The following WDPCP variants were observed in gnomAD, a reference collection of about 807,000 sequenced individuals.
The protein encoded by WDPCP is WD repeat-containing and planar cell polarity effector protein fritz homolog.
Under a neutral mutation model 93.1 loss-of-function variants are expected in WDPCP, and 71 were observed. The ratio of observed to expected loss-of-function variants is 0.76; its 90% CI spans 0.63 to 0.93. The LOEUF (loss-of-function observed/expected upper bound fraction) is 0.93. Among genes scored for constraint, WDPCP ranks in the 40% least tolerant of loss-of-function variants. The pLI is 0.00. For missense variants in WDPCP, 844 were observed against 887.4 expected (o/e 0.95, Z 0.62); for synonymous variants, 315 against 315.0 (o/e 1.00, Z 0.00).
intron 2 of WDPCP, among the ~76,000 whole-genome samples, chr2:63,656,715 A>G (rs1337621750): frequency 3.3e-5 from 5 of 152,256 alleles, no homozygotes; most frequent in African/African-American, 1.2e-4. Flanking sequence ...AGAGCAATAA[A>G]TGAAACAAGA....
intron 10 of WDPCP, among the ~76,000 whole-genome samples, chr2:63,399,831 G>C (rs547366934): frequency 6.6e-6 from 1 of 151,948 alleles, no homozygotes; most frequent in African/African-American, 2.4e-5. Context: ...TTAACATTAT[G>C]AATAGATTTA....
At chr2:63,174,514 C>G (rs1445574473) in intron 15 of WDPCP, among the ~76,000 whole-genome samples, 156 bp downstream of exon 15, 1 of 152,172 alleles carries the variant, frequency 6.6e-6, no homozygotes, top group Non-Finnish European at 1.5e-5. Context: ...ATTATGCCTG[C>G]TCCAAATAAC....
chr2:63,250,874 T>C (rs910486412), intron 14 of WDPCP, among the ~76,000 whole-genome samples: 4 of 152,200 alleles, frequency 2.6e-5, no homozygotes, highest in Non-Finnish European at 4.4e-5. Context: ...ACTATATCCA[T>C]AGAAAACTGA....
intron 12 of WDPCP, among the ~76,000 whole-genome samples, chr2:63,352,410 C>T (rs942864092): frequency 6.6e-6 from 1 of 152,192 alleles, no homozygotes; most frequent in Admixed American, 6.5e-5. Flanking sequence ...CCAACAAATT[C>T]ATGAGATTAC....
intron 6 of WDPCP, among the ~76,000 whole-genome samples, chr2:63,461,630 G>T (rs370432488): frequency 1.3e-5 from 2 of 152,278 alleles, no homozygotes; most frequent in East Asian, 3.9e-4. Context: ...GTGCAGTAAG[G>T]GATGAAATTT....
intron 3 of WDPCP, among the ~76,000 whole-genome samples, chr2:63,624,004 CA>C (rs1363185857): frequency 6.6e-6 from 1 of 152,168 alleles, no homozygotes; most frequent in African/African-American, 2.4e-5. Context: ...ATAGTGCAAT[CA>C]AATTAGAACT....
At chr2:63,737,268 A>T (rs1669652167) in intron 2 of WDPCP, among the ~76,000 whole-genome samples, 1 of 152,172 alleles carries the variant, frequency 6.6e-6, no homozygotes, top group Non-Finnish European at 1.5e-5. Flanking sequence ...AGGGCATCAA[A>T]GATATTGATA....
At chr2:63,223,129 C>T (rs965408869) in intron 14 of WDPCP, among the ~76,000 whole-genome samples, 2 of 151,974 alleles carry the variant, frequency 1.3e-5, no homozygotes, top group African/African-American at 4.8e-5. Flanking sequence ...TGTAGGATGT[C>T]TTACATTTTA....
intron 12 of WDPCP, among the ~76,000 whole-genome samples, chr2:63,340,334 C>T (rs1275338130): frequency 1.3e-5 from 2 of 152,126 alleles, no homozygotes; most frequent in African/African-American, 2.4e-5. Context: ...GTCCAAGGGA[C>T]CTGTGAAACA....
At position 63,389,484 on chromosome 2, in the gene WDPCP, G is replaced by C. The variant is rs1039569276; in HGVS notation, c.1436-7390C>G. 5.9e-5 allele frequency among the ~76,000 whole-genome samples: 9 copies of C among 152,228 alleles called. No individual in the cohort carries two copies. The East Asian group carries it at 1.5e-3, about 26-fold the overall frequency. ...AGACCATCCATGCTATGAAGAAACT[G>C]CATCCATTAACAGGCAAAATAACCA... On this transcript the variant is annotated intron_variant, in intron 10 of 17. Transcript: ENST00000272321.
At chr2:63,352,916 A>C (rs886893688) in intron 12 of WDPCP, among the ~76,000 whole-genome samples, 2 of 152,196 alleles carry the variant, frequency 1.3e-5, no homozygotes, top group Non-Finnish European at 2.9e-5. Context: ...TATGCTAATA[A>C]AAAAACTAGT....
chr2:63,142,815 GGGGT>G (rs1263770710), intron 17 of WDPCP, among the ~76,000 whole-genome samples: 2 of 98,300 alleles, frequency 2.0e-5, no homozygotes, highest in African/African-American at 7.5e-5. Context: ...TGCAGTGTTA[GGGGT>G]GTGTGTGTGT....
chr2:63,329,400 A>G (rs556488794), intron 12 of WDPCP, among the ~76,000 whole-genome samples: 17 of 151,896 alleles, frequency 1.1e-4, no homozygotes, highest in African/African-American at 4.1e-4. Context: ...TACATACCGC[A>G]CTTTTTTTTT....
intron 6 of WDPCP, among the ~76,000 whole-genome samples, chr2:63,469,934 C>A (rs1297395266): frequency 6.6e-6 from 1 of 152,212 alleles, no homozygotes; most frequent in African/African-American, 2.4e-5. Flanking sequence ...CATGAATGAC[C>A]TGCATGCTCC....
chr2:63,823,703 T>C (rs1353386680), intron 1 of WDPCP, among the ~76,000 whole-genome samples: 1 of 152,094 alleles, frequency 6.6e-6, no homozygotes, highest in Non-Finnish European at 1.5e-5. Flanking sequence ...TCCCCCTAAA[T>C]ACACCAGTAA....
chr2:63,420,395 A>G (rs1695763492), intron 9 of WDPCP, among the ~76,000 whole-genome samples: 1 of 149,036 alleles, frequency 6.7e-6, no homozygotes. Context: ...TTAGCCGGCT[A>G]TGGTGGCACA....
chr2:63,266,761 A>T (rs1682159116), intron 13 of WDPCP, among the ~76,000 whole-genome samples: 1 of 151,936 alleles, frequency 6.6e-6, no homozygotes, highest in Admixed American at 6.6e-5. Context: ...AGTCAAGATC[A>T]CTCCACTGCA....
At chr2:63,707,302 A>G (rs1669174633) in intron 2 of WDPCP, among the ~76,000 whole-genome samples, 1 of 152,038 alleles carries the variant, frequency 6.6e-6, no homozygotes. Flanking sequence ...ATAGTCCCAT[A>G]TTTCTTGGAG....
chr2:63,177,421 A>C (rs1484110591), intron 14 of WDPCP, among the ~76,000 whole-genome samples: 1 of 152,158 alleles, frequency 6.6e-6, no homozygotes, highest in African/African-American at 2.4e-5. Flanking sequence ...ACCTATCAGC[A>C]GTGTTTTCTA....
Sources: gnomAD v4.1 joint callset for allele counts (sites outside exome capture counted in the v4.1 genomes callset) on GRCh38, gnomAD v4.1.1 for gene constraint, MANE v1.5 for transcripts, NCBI Gene and HGNC (gene_info 2026-07-23, HGNC 2026-07-21) for gene names.